The following VPS13B variants were observed in gnomAD, a reference collection of about 807,000 sequenced individuals.
The protein encoded by VPS13B is vacuolar protein sorting 13 homolog B.
VPS13B carries 285 observed loss-of-function variants against 426.4 expected under a neutral mutation model. The observed-to-expected ratio is 0.67, with a 90% CI of 0.61 to 0.74. The LOEUF (loss-of-function observed/expected upper bound fraction) is 0.74. VPS13B is among the 30% of genes least tolerant of loss of function. The pLI is 0.00. For synonymous variants in VPS13B, 1,676 were observed against 1,676.4 expected, an observed-to-expected ratio of 1.00 and a Z score of 0.01; for missense variants, 4,537 against 4,782.6, an observed-to-expected ratio of 0.95 and a Z score of 1.51.
intron 8 of VPS13B, among the ~76,000 whole-genome samples, chr8:99,125,050 G>A (rs1478789400): frequency 6.6e-6 from 1 of 152,148 alleles, no homozygotes; most frequent in Admixed American, 6.6e-5. Flanking sequence ...CTATATGTAT[G>A]TATGAAAGGG....
intron 56 of VPS13B, among the ~76,000 whole-genome samples, chr8:99,856,101 G>A (rs1343713873): frequency 6.6e-6 from 1 of 152,232 alleles, no homozygotes; most frequent in African/African-American, 2.4e-5. Context: ...AACGGGCCCT[G>A]CAGCCCGTGT....
At chr8:99,059,983 A>C (rs1844092153) in intron 3 of VPS13B, among the ~76,000 whole-genome samples, 1 of 151,876 alleles carries the variant, frequency 6.6e-6, no homozygotes, top group Admixed American at 6.6e-5. Flanking sequence ...TGATCCGCCC[A>C]CCTCGGCCTC....
At chr8:99,637,255 T>TGC (rs1829109458) in intron 33 of VPS13B, among the ~76,000 whole-genome samples, 2 of 152,016 alleles carry the variant, frequency 1.3e-5, no homozygotes, top group East Asian at 3.9e-4. Flanking sequence ...CCCTTCAATA[T>TGC]AGTAAATCTG....
intron 17 of VPS13B, among the ~76,000 whole-genome samples, chr8:99,221,952 G>A (rs1815748067): frequency 6.6e-6 from 1 of 152,138 alleles, no homozygotes; most frequent in Non-Finnish European, 1.5e-5. Flanking sequence ...GCAATTTTCA[G>A]TATTTATCCA....
Position 99,832,644 on chromosome 8 carries a change from C to G in VPS13B, c.9606C>G (p.Phe3202Leu), listed in dbSNP as rs754608439. ...VPLGNFRENGFCTRAIVLTYQ... is the reference protein window; with the variant it reads ...VPLGNFRENGLCTRAIVLTYQ... ...TCGGGAATTTCCGGGAAAATGGATT[C>G]TGTACCAGGTATTTTATGTTTATAT... The change falls in exon 52 of 62, where the codon TTC (phenylalanine) becomes TTG (leucine). Residue 3202 changes from phenylalanine (F) to leucine (L), a missense_variant. Phe to Leu is a conservative substitution (Grantham distance 22). Transcript: ENST00000357162. The G allele has an allele frequency of 6.2e-7, 1 of 1,613,596 alleles. No individual in the cohort carries two copies.
rs527950476 is a variant in VPS13B, at chr8:99,575,709, T to A, written c.5001T>A (p.Asp1667Glu). Reference protein sequence around the residue: ...RRAILTPVLTDFSVRITGAPA... With the variant: ...RRAILTPVLTEFSVRITGAPA... ...CAATTTTGACCCCCGTTTTGACAGA[T>A]TTTTCTGTCCGAATAACTGGAGCAC... The change falls in exon 32 of 62, where the codon GAT becomes GAA. Residue 1667 changes from aspartate (D) to glutamate (E), a missense_variant. Asp to Glu is a conservative substitution (Grantham distance 45). This residue lies in a region of VPS13B where 4,311 missense variants were observed against 4,474.3 expected (regional missense o/e 0.96). Coordinates refer to ENST00000357162, the MANE Select transcript of VPS13B (RefSeq NM_152564.5). 3.1e-6 allele frequency: 5 copies of A among 1,613,746 alleles called. No individual in the cohort carries two copies. The highest frequency in any genetic ancestry group is 4.2e-6 in the Non-Finnish European group (5 of 1,179,880).
intron 33 of VPS13B, among the ~76,000 whole-genome samples, chr8:99,631,175 TTA>T (rs1828830953): frequency 6.6e-6 from 1 of 151,722 alleles, no homozygotes; most frequent in African/African-American, 2.4e-5. Context: ...CTCAAAAATC[TTA>T]TGTCTGTCTT....
chr8:99,828,333 G>C (rs538744546), intron 51 of VPS13B, among the ~76,000 whole-genome samples: 100 of 122,262 alleles, frequency 8.2e-4, no homozygotes, highest in African/African-American at 3.0e-3. Flanking sequence ...GCCCTTCTTT[G>C]TCTTTTTTGA....
At position 99,156,744 on chromosome 8, in the gene VPS13B, G is replaced by A; in HGVS notation, c.2208+1G>A. 6.2e-7 allele frequency: 1 copy of A among 1,613,832 alleles called. No individual in the cohort carries two copies. Among genetic ancestry groups the A allele is most frequent in the Non-Finnish European group, 8.5e-7 (1 of 1,179,840 alleles). ...TTGTTATGTACACTGCTATCTTAAGGTATGAAAAGTGAATTTTCTTGTTTG... is the reference window on the plus strand; with the variant it reads ...TTGTTATGTACACTGCTATCTTAAGATATGAAAAGTGAATTTTCTTGTTTG... On this transcript the variant is annotated splice_donor_variant, in intron 15 of 61. Coordinates refer to ENST00000357162, the MANE Select transcript of VPS13B (RefSeq NM_152564.5). LOFTEE classifies it high-confidence loss of function.
chr8:99,559,536 T>G (rs1824778125), intron 31 of VPS13B, among the ~76,000 whole-genome samples: 1 of 152,226 alleles, frequency 6.6e-6, no homozygotes, highest in Admixed American at 6.5e-5. Flanking sequence ...TTTTATGGTT[T>G]TAGGTCTAAC....
intron 19 of VPS13B, among the ~76,000 whole-genome samples, chr8:99,359,199 AT>A (rs1389350645): frequency 6.6e-6 from 1 of 152,174 alleles, no homozygotes; most frequent in Non-Finnish European, 1.5e-5. Context: ...CACAATTTTA[AT>A]GTTTTTTAAC....
At position 99,121,652 on chromosome 8, in the gene VPS13B, C is replaced by A. The variant is rs967884890; in HGVS notation, c.1206+207C>A. The A allele has an allele frequency of 1.7e-5, 22 of 1,324,508 alleles. No homozygotes were observed. In the Admixed American group the frequency reaches 6.4e-4, roughly 38 times the overall value. 82.0% of individuals were successfully genotyped at this position (1,324,508 alleles called of 1,614,324 possible). ...CTTCCTGTCTTCTTAGGGCATTCTC[C>A]ACATTTCTTTTTTATTAGCTTCATG... On this transcript the variant is annotated intron_variant, in intron 8 of 61. Coordinates refer to ENST00000357162, the MANE Select transcript of VPS13B (RefSeq NM_152564.5).
At chr8:99,835,483 C>T in intron 53 of VPS13B, 56 bp from the exon 54 acceptor site, 1 of 1,566,378 alleles carries the variant, frequency 6.4e-7, no homozygotes, top group Non-Finnish European at 8.8e-7. Context: ...ATGTTCTGTC[C>T]CCCAAGTCTC....
intron 19 of VPS13B, among the ~76,000 whole-genome samples, chr8:99,370,896 T>C (rs1233526576): frequency 6.6e-6 from 1 of 152,128 alleles, no homozygotes; most frequent in Non-Finnish European, 1.5e-5. Context: ...AGATGTGACC[T>C]GCTGTGCCCA....
At chr8:99,440,721 G>A (rs1336927251) in intron 22 of VPS13B, among the ~76,000 whole-genome samples, 2 of 151,958 alleles carry the variant, frequency 1.3e-5, no homozygotes, top group African/African-American at 4.8e-5. Flanking sequence ...TTAAATTAGT[G>A]AAATTAATGT....
chr8:99,478,447 G>GTTTTGTTTTTTTTT (rs1819822769), intron 24 of VPS13B, among the ~76,000 whole-genome samples: 30 of 85,742 alleles, frequency 3.5e-4, no homozygotes, highest in East Asian at 1.5e-3. Context: ...TTTTTGTTTT[G>GTTTTGTTTTTTTTT]TTTTTTTTTT....
chr8:99,719,621 A>AT (rs1400881983), intron 37 of VPS13B, among the ~76,000 whole-genome samples: 1 of 152,172 alleles, frequency 6.6e-6, no homozygotes, highest in East Asian at 1.9e-4. Flanking sequence ...GAAAATTAAC[A>AT]TTTTTGAAAG....
intron 34 of VPS13B, among the ~76,000 whole-genome samples, chr8:99,657,046 G>C (rs187791475): frequency 3.9e-5 from 6 of 152,222 alleles, no homozygotes; most frequent in Non-Finnish European, 7.4e-5. Flanking sequence ...TGGATTCCTT[G>C]GATGGATTTC....
chr8:99,529,631 A>G (rs1822826789), intron 30 of VPS13B, among the ~76,000 whole-genome samples: 1 of 152,262 alleles, frequency 6.6e-6, no homozygotes, highest in South Asian at 2.1e-4. Flanking sequence ...TTCCTGAAGA[A>G]CAAGTATATC....
Sources: gnomAD v4.1 joint callset for allele counts (sites outside exome capture counted in the v4.1 genomes callset) on GRCh38, gnomAD v4.1.1 for gene constraint, gnomAD v4.1.1 regional missense constraint, MANE v1.5 for transcripts, NCBI Gene and HGNC (gene_info 2026-07-23, HGNC 2026-07-21) for gene names.